SUMF2: variants seen among roughly 807,000 people sequenced by gnomAD.
The protein encoded by SUMF2 is sulfatase modifying factor 2.
Under a neutral mutation model 44.8 loss-of-function variants are expected in SUMF2, and 45 were observed. The observed-to-expected ratio is 1.00, with a 90% confidence interval of 0.79 to 1.29. The LOEUF (loss-of-function observed/expected upper bound fraction) is 1.29, where lower values mean the gene tolerates loss of function less well. Among genes scored for constraint, SUMF2 ranks in the 50% most tolerant of loss-of-function variants. The pLI is 0.00. For missense variants in SUMF2, 418 were observed against 389.9 expected (o/e 1.07, Z -0.61); for synonymous variants, 148 against 150.4 (o/e 0.98, Z 0.12).
chr7:56,081,029 T>C (rs774179559), downstream of SUMF2: 49 of 1,392,064 alleles, frequency 3.5e-5, no homozygotes, highest in South Asian at 1.5e-4. The surrounding 1 kb of genome is among the most constrained non-coding windows in gnomAD (Gnocchi z 4.6). Context: ...ACCTGCCCCC[T>C]AGCCCTCCCT....
At chr7:56,074,046 CAG>C in intron 3 of SUMF2, 126 bp from the exon 4 acceptor site, 8 of 467,070 alleles carry the variant, frequency 1.7e-5, no homozygotes, top group East Asian at 5.0e-5. Context: ...AAAAAAAAAT[CAG>C]CCACAACCTC....
downstream of SUMF2, chr7:56,080,797 T>A: frequency 1.9e-6 from 1 of 530,556 alleles, no homozygotes; most frequent in Non-Finnish European, 3.4e-6. Context: ...GAGCAGGGGG[T>A]TCCTGGTTCT....
At chr7:56,087,804 G>T in the SUMF2 span, 14 of 1,588,624 alleles carry the variant, frequency 8.8e-6, no homozygotes, top group Non-Finnish European at 1.2e-5. Context: ...AGATGGCCTC[G>T]GGGGGCCCCT....
At chr7:56,074,935 G>A (rs1352486218) in intron 5 of SUMF2, 199 bp downstream of exon 5, 2 of 594,738 alleles carry the variant, frequency 3.4e-6, no homozygotes, top group Admixed American at 3.2e-5. Context: ...CTGTCTCTCC[G>A]AAAAATACAA....
chr7:56,086,918 C>T, the SUMF2 span: 3 of 1,409,566 alleles, frequency 2.1e-6, no homozygotes, highest in East Asian at 2.3e-5. Flanking sequence ...GGGGAGGGGA[C>T]AGCAGTCGGA....
Position 56,064,328 on chromosome 7 carries a change from TA to T in SUMF2, c.18del (p.Leu6PhefsTer17). 2 of 1,599,162 alleles carry T rather than the reference TA, an allele frequency of 1.3e-6. No individual in the cohort carries two copies. Among genetic ancestry groups the T allele is most frequent in the South Asian group, 2.3e-5 (2 of 88,778 alleles). On this transcript the variant is annotated frameshift_variant, in exon 1 of 9. Transcript: ENST00000434526. LOFTEE classifies it high-confidence loss of function. ...GCAGTCCTGATGGCCCGGCATGGGT[TA>T]CCGCTGCTGCCCCTGCTGTCGCTCC... MARHG[L>X]PLLPLLSLLV...
intron 8 of SUMF2, chr7:56,078,823 G>A (rs775983827): frequency 3.0e-5 from 13 of 438,774 alleles, no homozygotes; most frequent in South Asian, 6.7e-5. Flanking sequence ...AGGGAGGGAA[G>A]TAGAATGACC....
chr7:56,076,305 C>T (rs1202390367), intron 5 of SUMF2, among the ~76,000 whole-genome samples: 4 of 151,804 alleles, frequency 2.6e-5, no homozygotes, highest in Admixed American at 6.6e-5. Flanking sequence ...GGATTACAGG[C>T]GTGAGCCACC....
downstream of SUMF2, chr7:56,084,387 T>C (rs1796161451): frequency 5.2e-6 from 3 of 573,712 alleles, no homozygotes; most frequent in South Asian, 6.4e-5. Flanking sequence ...TTTTTTTTTT[T>C]TTTTGAGATG....
chr7:56,066,076 G>A (rs1240184141), intron 1 of SUMF2, among the ~76,000 whole-genome samples: 2 of 84,176 alleles, frequency 2.4e-5, no homozygotes, highest in African/African-American at 5.8e-5. Flanking sequence ...GCAAGGCTCC[G>A]CCTCACAAAA....
chr7:56,070,185 A>G (rs746428148), intron 2 of SUMF2, among the ~76,000 whole-genome samples: 3 of 152,146 alleles, frequency 2.0e-5, no homozygotes, highest in Non-Finnish European at 4.4e-5. Context: ...TTGGGATTAC[A>G]GCTGTGAGCC....
chr7:56,086,914 G>T, the SUMF2 span: 1 of 1,361,372 alleles, frequency 7.3e-7, no homozygotes, highest in Non-Finnish European at 1.1e-6. Flanking sequence ...GGTTGGGGAG[G>T]GGACAGCAGT....
At chr7:56,070,627 C>A (rs1295335718) in intron 2 of SUMF2, among the ~76,000 whole-genome samples, 1 of 141,828 alleles carries the variant, frequency 7.1e-6, no homozygotes, top group African/African-American at 2.6e-5. Context: ...GACATCCTTT[C>A]TCAAAAAAAA....
Position 56,064,299 on chromosome 7 carries a change from C to G in SUMF2, c.-13C>G, listed in dbSNP as rs1193647833. 6.3e-7 allele frequency: 1 copy of G among 1,582,232 alleles called. No homozygotes were observed. ...GGGGCCGTGGGTGTACGCGGCGCAG[C>G]GCGGCAGTCCTGATGGCCCGGCATG... On this transcript the variant is annotated 5_prime_UTR_variant, in exon 1 of 9. Transcript: ENST00000434526.
At chr7:56,086,809 G>A in the SUMF2 span, 7 of 624,222 alleles carry the variant, frequency 1.1e-5, no homozygotes, top group Middle Eastern at 3.4e-4. Flanking sequence ...TTCCAAAGCC[G>A]GCAGCCTGAC....
downstream of SUMF2, chr7:56,081,794 A>G: frequency 6.5e-7 from 1 of 1,547,264 alleles, no homozygotes; most frequent in Non-Finnish European, 8.8e-7. The surrounding 1 kb of genome is among the most constrained non-coding windows in gnomAD (Gnocchi z 4.6). Context: ...ATGTCAAGGC[A>G]GGTCCCCTCC....
At chr7:56,072,912 G>A (rs1795272826) in intron 2 of SUMF2, 85 bp from the exon 3 acceptor site, 2 of 908,192 alleles carry the variant, frequency 2.2e-6, no homozygotes, top group South Asian at 1.5e-5. Context: ...TACAGGACAG[G>A]GATATCTGAA....
chr7:56,082,149 C>A (rs1796033883), downstream of SUMF2: 1 of 1,613,184 alleles, frequency 6.2e-7, no homozygotes, highest in Admixed American at 1.7e-5. Context: ...CTCCTCCTTT[C>A]CCGGCGCACT....
At chr7:56,087,770 A>G in the SUMF2 span, 1 of 1,611,182 alleles carries the variant, frequency 6.2e-7, no homozygotes, top group Non-Finnish European at 8.5e-7. Context: ...CCACACTGCT[A>G]ACGCCCCTGG....
Sources: allele counts gnomAD v4.1 joint callset (sites outside exome capture counted in the v4.1 genomes callset), GRCh38; gene constraint gnomAD v4.1.1; non-coding constraint Gnocchi (gnomAD v3.1); transcripts MANE v1.5; gene names NCBI Gene and HGNC (gene_info 2026-07-23, HGNC 2026-07-21).